The following MAGI2 variants were observed in gnomAD, a reference collection of about 807,000 sequenced individuals.
The protein encoded by MAGI2 is membrane-associated guanylate kinase, WW and PDZ domain-containing protein 2.
A neutral mutation model predicts 133.3 loss-of-function variants in MAGI2; 35 were observed. The ratio of observed to expected loss-of-function variants is 0.26; its 90% CI spans 0.20 to 0.35. The LOEUF is 0.35. Among genes scored for constraint, MAGI2 ranks in the 10% least tolerant of loss-of-function variants. The pLI, the probability that MAGI2 is intolerant of heterozygous loss-of-function variation, is 1.00. For synonymous variants in MAGI2, 729 were observed against 710.6 expected (o/e 1.03, Z -0.41); for missense variants, 1,636 against 1,863.4 (o/e 0.88, Z 2.25).
intron 2 of MAGI2, among the ~76,000 whole-genome samples, chr7:78,732,195 A>C (rs1452492732): frequency 6.6e-6 from 1 of 152,164 alleles, no homozygotes; most frequent in South Asian, 2.1e-4. Context: ...AGGTGGGTCA[A>C]TGATAAAAGA....
intron 2 of MAGI2, among the ~76,000 whole-genome samples, chr7:78,754,623 A>G (rs1169792908): frequency 1.3e-5 from 2 of 152,198 alleles, no homozygotes; most frequent in Non-Finnish European, 2.9e-5. Context: ...ATTGCTTGTT[A>G]GCATCAGCCA....
intron 1 of MAGI2, among the ~76,000 whole-genome samples, chr7:79,435,947 G>C (rs1031547677): frequency 3.3e-5 from 5 of 152,018 alleles, no homozygotes; most frequent in African/African-American, 1.2e-4. Context: ...AAATAGTAAA[G>C]AGTCCGGAAA....
chr7:78,284,459 TTTTTTTA>T (rs1795949340), intron 9 of MAGI2, among the ~76,000 whole-genome samples: 1 of 151,388 alleles, frequency 6.6e-6, no homozygotes, highest in Admixed American at 6.6e-5. Flanking sequence ...TCTTTTTTTT[TTTTTTTA>T]AAATAAGAAT....
chr7:78,781,404 A>G (rs1387701352), intron 2 of MAGI2, among the ~76,000 whole-genome samples: 2 of 149,960 alleles, frequency 1.3e-5, no homozygotes, highest in Admixed American at 6.7e-5. Context: ...AAAAAAGAAT[A>G]TAGCAGAGGG....
At chr7:78,890,692 A>C (rs914055474) in intron 2 of MAGI2, among the ~76,000 whole-genome samples, 1 of 152,226 alleles carries the variant, frequency 6.6e-6, no homozygotes, top group Non-Finnish European at 1.5e-5. Context: ...GAACAAAGAC[A>C]CAACATACCA....
chr7:78,695,213 AGACTCT>A (rs1301981924), intron 2 of MAGI2, among the ~76,000 whole-genome samples: 1 of 152,164 alleles, frequency 6.6e-6, no homozygotes, highest in Non-Finnish European at 1.5e-5. Flanking sequence ...CGACAGAGCG[AGACTCT>A]GTCTCAAAAA....
At chr7:78,798,604 G>A (rs563682535) in intron 2 of MAGI2, among the ~76,000 whole-genome samples, 1 of 151,962 alleles carries the variant, frequency 6.6e-6, no homozygotes, top group Admixed American at 6.6e-5. Flanking sequence ...TTTGGGAACC[G>A]GGCTTCAATC....
intron 1 of MAGI2, among the ~76,000 whole-genome samples, chr7:79,441,094 G>A (rs1040284204): frequency 6.6e-6 from 1 of 152,224 alleles, no homozygotes; most frequent in Non-Finnish European, 1.5e-5. Flanking sequence ...AACTGGTGAA[G>A]AGATGGAATT....
In MAGI2 at chr7:78,438,859, G is replaced by A. The variant is rs115803634; in HGVS notation, c.1045+50902C>T. Among the ~76,000 whole-genome samples the A allele has an allele frequency of 4.9e-3, 740 of 152,242 alleles. 5 individuals carry two copies. The highest frequency in any genetic ancestry group is 0.015 in the African/African-American group (638 of 41,546). On this transcript the variant is annotated intron_variant, in intron 6 of 21. Transcript: ENST00000354212. ...GGGAAAATGGCATAATTAACGGGCT[G>A]TTAAGACGCTTCTATTTTGCTTGCC...
intron 1 of MAGI2, among the ~76,000 whole-genome samples, chr7:79,086,670 G>C (rs1285204802): frequency 6.6e-6 from 1 of 151,522 alleles, no homozygotes; most frequent in African/African-American, 2.4e-5. Flanking sequence ...CTTTCTTATT[G>C]TTGTTGTTTT....
chr7:78,649,236 G>GAAAAAAAAAAAAAAAAGA (rs3085451), intron 2 of MAGI2, among the ~76,000 whole-genome samples: 1 of 88,188 alleles, frequency 1.1e-5, no homozygotes, highest in Non-Finnish European at 2.1e-5. Flanking sequence ...AAAAAAAAAA[G>GAAAAAAAAAAAAAAAAGA]AAAAAAAAAG....
intron 6 of MAGI2, among the ~76,000 whole-genome samples, chr7:78,377,656 TAAAA>T (rs1794570177): frequency 6.7e-6 from 1 of 149,840 alleles, no homozygotes; most frequent in African/African-American, 2.5e-5. Flanking sequence ...ATAATAATAA[TAAAA>T]AATAAAAAAT....
At chr7:79,389,181 T>C (rs1043352805) in intron 1 of MAGI2, among the ~76,000 whole-genome samples, 1 of 152,014 alleles carries the variant, frequency 6.6e-6, no homozygotes, top group Non-Finnish European at 1.5e-5. Flanking sequence ...TATCCTTAAT[T>C]AATAAATTAA....
intron 1 of MAGI2, among the ~76,000 whole-genome samples, chr7:79,235,659 C>T (rs1047576697): frequency 3.9e-5 from 6 of 152,194 alleles, no homozygotes; most frequent in South Asian, 2.1e-4. Flanking sequence ...GGCTCGCGCA[C>T]GGTGCGCGCA....
chr7:78,033,623 T>C (rs900584632), intron 21 of MAGI2, among the ~76,000 whole-genome samples: 4 of 152,208 alleles, frequency 2.6e-5, no homozygotes, highest in Non-Finnish European at 5.9e-5. Flanking sequence ...TAGAGGGAAG[T>C]ACAGAGTGCT....
In MAGI2 at chr7:79,189,494, T is replaced by C. The variant is rs535781077; in HGVS notation, c.302-182288A>G. Among the ~76,000 whole-genome samples, 355 of 151,844 alleles carry C rather than the reference T, an allele frequency of 2.3e-3. 1 individual carries two copies. Among genetic ancestry groups the C allele is most frequent in the Middle Eastern group, 6.8e-3 (2 of 294 alleles). ...AGACTTTATTTTTTAGAGTAGTTTA[T>C]GTTTTCAAAAAAATTAAGCGGAACG... On this transcript the variant is annotated intron_variant, in intron 1 of 21. Transcript: ENST00000354212.
intron 2 of MAGI2, among the ~76,000 whole-genome samples, chr7:78,927,012 T>C (rs955706526): frequency 6.6e-6 from 1 of 152,004 alleles, no homozygotes; most frequent in Non-Finnish European, 1.5e-5. Context: ...TCTCATCCCC[T>C]AAACAGTGGT....
chr7:79,127,396 A>T (rs993205421), intron 1 of MAGI2, among the ~76,000 whole-genome samples: 29 of 152,034 alleles, frequency 1.9e-4, no homozygotes, highest in African/African-American at 6.5e-4. Context: ...CAATGGTTGA[A>T]CTAGTTTACA....
chr7:78,752,949 A>C (rs1243849223), intron 2 of MAGI2, among the ~76,000 whole-genome samples: 1 of 152,238 alleles, frequency 6.6e-6, no homozygotes, highest in Non-Finnish European at 1.5e-5. Context: ...CCTACTATAG[A>C]TAAGACAGAA....
Sources: gnomAD v4.1 joint callset for allele counts (sites outside exome capture counted in the v4.1 genomes callset) on GRCh38, gnomAD v4.1.1 for gene constraint, MANE v1.5 for transcripts, NCBI Gene and HGNC (gene_info 2026-07-23, HGNC 2026-07-21) for gene names.